Variants in CPNE4 observed in about 807,000 individuals in gnomAD.
The protein encoded by CPNE4 is copine 4.
A neutral mutation model predicts 67.9 loss-of-function variants in CPNE4; 25 were observed. The observed-to-expected ratio is 0.37, with a 90% CI of 0.27 to 0.51. The LOEUF (loss-of-function observed/expected upper bound fraction) is 0.51, where lower values mean the gene tolerates loss of function less well. Ranked by LOEUF, CPNE4 falls within the 20% of genes least tolerant of loss-of-function variation. The pLI, the probability that CPNE4 is intolerant of heterozygous loss-of-function variation, is 0.93. For synonymous variants in CPNE4, 242 were observed against 244.9 expected (o/e 0.99, Z 0.11); for missense variants, 464 against 690.8 (o/e 0.67, Z 3.68).
At chr3:131,863,618 T>C (rs1330618150) in intron 2 of CPNE4, among the ~76,000 whole-genome samples, 1 of 152,238 alleles carries the variant, frequency 6.6e-6, no homozygotes. Context: ...CTTTGTCAGA[T>C]GAGTAGGTTG....
chr3:131,638,558 T>C lies in CPNE4; in HGVS notation c.681+31117A>G, dbSNP rs377406121. On this transcript the variant is annotated intron_variant, in intron 7 of 15. Transcript: ENST00000429747. ...TACTAGACCTAAGAAATGAGACAGA[T>C]GGCAACATATAGTGGGGGACTTTAA... Among the ~76,000 whole-genome samples, 76 of 152,164 alleles carry C rather than the reference T, an allele frequency of 5.0e-4. 2 individuals are homozygous for C. The South Asian group carries it at 0.016, about 31-fold the overall frequency.
At chr3:131,996,656 A>C (rs1455238713) in intron 1 of CPNE4, among the ~76,000 whole-genome samples, 1 of 151,828 alleles carries the variant, frequency 6.6e-6, no homozygotes, top group East Asian at 1.9e-4. Flanking sequence ...ATGTGATTGG[A>C]TCAGATTCTC....
intron 7 of CPNE4, among the ~76,000 whole-genome samples, chr3:131,664,795 T>C (rs1275527912): frequency 1.3e-5 from 2 of 152,186 alleles, no homozygotes; most frequent in Non-Finnish European, 2.9e-5. Context: ...AAGGGCCTTA[T>C]AAACTCTAAT....
intron 2 of CPNE4, among the ~76,000 whole-genome samples, chr3:131,813,469 A>G (rs2084614587): frequency 6.7e-6 from 1 of 148,460 alleles, no homozygotes; most frequent in South Asian, 2.1e-4. Flanking sequence ...AATATATTTT[A>G]TTTATATGTA....
chr3:131,903,411 GA>G (rs11353270), intron 2 of CPNE4, among the ~76,000 whole-genome samples: 53,015 of 148,102 alleles, frequency 0.36, 9,447 homozygotes, highest in East Asian at 0.44. Context: ...TGCAAAAAAG[GA>G]AAAAAAAAAC....
At chr3:131,724,912 A>C (rs531276182) in intron 2 of CPNE4, among the ~76,000 whole-genome samples, 43 of 152,224 alleles carry the variant, frequency 2.8e-4, no homozygotes, top group African/African-American at 1.0e-3. Flanking sequence ...AAATATACAA[A>C]ACCATTTATA....
intron 2 of CPNE4, among the ~76,000 whole-genome samples, chr3:131,774,560 T>C (rs747198280): frequency 2.6e-5 from 4 of 152,098 alleles, no homozygotes; most frequent in Non-Finnish European, 4.4e-5. Flanking sequence ...TCAAAAGCAT[T>C]CTAACTGGCA....
intron 1 of CPNE4, among the ~76,000 whole-genome samples, chr3:131,914,392 G>A (rs1339944026): frequency 6.6e-6 from 1 of 152,060 alleles, no homozygotes; most frequent in Non-Finnish European, 1.5e-5. Context: ...GTCACCTGGT[G>A]GCTGTCCCTC....
chr3:131,832,180 G>A (rs542847945), intron 2 of CPNE4, among the ~76,000 whole-genome samples: 3 of 152,160 alleles, frequency 2.0e-5, no homozygotes, highest in East Asian at 3.9e-4. Flanking sequence ...GTCTTATATA[G>A]CAAGTATTAT....
At chr3:131,537,011 A>T (rs1034297540) in intron 15 of CPNE4, among the ~76,000 whole-genome samples, 4 of 152,198 alleles carry the variant, frequency 2.6e-5, no homozygotes, top group African/African-American at 9.7e-5. Flanking sequence ...CTCCTGGTTA[A>T]AAGTTAAAAG....
At chr3:131,742,025 C>G (rs1416830721) in intron 2 of CPNE4, among the ~76,000 whole-genome samples, 3 of 152,146 alleles carry the variant, frequency 2.0e-5, no homozygotes, top group Non-Finnish European at 4.4e-5. Context: ...ATCTTGCCAC[C>G]CATCTTGCAA....
chr3:131,669,661 C>T lies in CPNE4; in HGVS notation c.681+14G>A. ...TTTTTAAAAAATCACATTTCTTGGA[C>T]ACAGATTTCTGACCTTTAGCCGGCG... On this transcript the variant is annotated intron_variant, in intron 7 of 15. Coordinates refer to ENST00000429747, the MANE Select transcript of CPNE4 (RefSeq NM_130808.3). 6.3e-7 allele frequency: 1 copy of T among 1,576,648 alleles called. No homozygotes were observed. Among genetic ancestry groups the T allele is most frequent in the Non-Finnish European group, 8.7e-7 (1 of 1,155,952 alleles).
chr3:131,642,006 G>A (rs1422491635), intron 7 of CPNE4, among the ~76,000 whole-genome samples: 1 of 152,054 alleles, frequency 6.6e-6, no homozygotes. Flanking sequence ...GGACTTGGGG[G>A]AAAGGGTGAG....
intron 2 of CPNE4, among the ~76,000 whole-genome samples, chr3:131,887,197 A>C (rs903454790): frequency 5.3e-5 from 8 of 152,192 alleles, no homozygotes; most frequent in African/African-American, 1.4e-4. Flanking sequence ...GTAGTGAATA[A>C]GTCTCACAAG....
chr3:131,558,119 A>G (rs1418932056), intron 11 of CPNE4, among the ~76,000 whole-genome samples: 1 of 152,016 alleles, frequency 6.6e-6, no homozygotes, highest in Non-Finnish European at 1.5e-5. Flanking sequence ...TTTCAAGAGT[A>G]GGAAGGTAGG....
intron 2 of CPNE4, among the ~76,000 whole-genome samples, chr3:131,837,755 A>G (rs906701218): frequency 6.6e-6 from 1 of 152,076 alleles, no homozygotes; most frequent in African/African-American, 2.4e-5. Flanking sequence ...AATATCTGTC[A>G]TTTAGGTAAT....
intron 2 of CPNE4, among the ~76,000 whole-genome samples, chr3:131,817,933 A>G (rs577751980): frequency 6.6e-6 from 1 of 152,344 alleles, no homozygotes; most frequent in South Asian, 2.1e-4. Context: ...CTTGTTTTGT[A>G]AGAATCTCAG....
intron 2 of CPNE4, among the ~76,000 whole-genome samples, chr3:131,882,721 C>CTTTTTT (rs1170426872): frequency 8.8e-6 from 1 of 113,564 alleles, no homozygotes; most frequent in Non-Finnish European, 2.0e-5. Flanking sequence ...CAGTTCTGCT[C>CTTTTTT]TATTTTTTTT....
intron 6 of CPNE4, among the ~76,000 whole-genome samples, chr3:131,676,058 ATTATTAT>A (rs2080556487): frequency 7.0e-6 from 1 of 142,294 alleles, no homozygotes; most frequent in Non-Finnish European, 1.5e-5. Context: ...TATTATTATT[ATTATTAT>A]TATTATTTGA....
Sources: allele counts gnomAD v4.1 joint callset (sites outside exome capture counted in the v4.1 genomes callset), GRCh38; gene constraint gnomAD v4.1.1; transcripts MANE v1.5; gene names NCBI Gene and HGNC (gene_info 2026-07-23, HGNC 2026-07-21).